FGF14: variants seen among roughly 807,000 people sequenced by gnomAD.
FGF14 encodes fibroblast growth factor homologous factor 4.
A neutral mutation model predicts 25.5 loss-of-function variants in FGF14; 5 were observed. That is an observed-to-expected ratio of 0.20 (90% CI 0.10 to 0.41). The LOEUF (loss-of-function observed/expected upper bound fraction) is 0.41. Among genes scored for constraint, FGF14 ranks in the 10% least tolerant of loss-of-function variants. FGF14 has a pLI of 1.00. For synonymous variants in FGF14, 138 were observed against 118.3 expected, an observed-to-expected ratio of 1.17 and a Z score of -1.08; for missense variants, 222 against 320.1, an observed-to-expected ratio of 0.69 and a Z score of 2.34.
chr13:101,723,314 T>G (rs2035129453), intron 4 of FGF14, among the ~76,000 whole-genome samples: 1 of 151,844 alleles, frequency 6.6e-6, no homozygotes, highest in South Asian at 2.1e-4. Context: ...GGCATTTAAC[T>G]TAATTCTCAA....
chr13:102,108,879 C>T (rs770054663), intron 1 of FGF14, among the ~76,000 whole-genome samples: 17 of 152,168 alleles, frequency 1.1e-4, no homozygotes, highest in Non-Finnish European at 2.5e-4. Context: ...TTCAACTTAA[C>T]ACATATTGTC....
intron 1 of FGF14, among the ~76,000 whole-genome samples, chr13:102,393,105 C>T (rs189954551): frequency 1.3e-5 from 2 of 152,320 alleles, no homozygotes; most frequent in Admixed American, 1.3e-4. Context: ...TAACCAGTGC[C>T]TTTACCACGT....
At chr13:102,017,571 T>C (rs9585830) in intron 1 of FGF14, among the ~76,000 whole-genome samples, 7,118 of 151,816 alleles carry the variant, frequency 0.047, 539 homozygotes, top group African/African-American at 0.16. Context: ...TTCCAAAATT[T>C]CACCAAGATG....
chr13:102,049,973 A>G (rs1426858345), intron 1 of FGF14, among the ~76,000 whole-genome samples: 1 of 151,986 alleles, frequency 6.6e-6, no homozygotes, highest in Non-Finnish European at 1.5e-5. Flanking sequence ...ATAGATTCCA[A>G]TTGCTTAATC....
chr13:102,294,419 A>C (rs1040625986), intron 1 of FGF14, among the ~76,000 whole-genome samples: 4 of 152,046 alleles, frequency 2.6e-5, no homozygotes, highest in African/African-American at 9.7e-5. Context: ...TGGTCCAAAA[A>C]AAAAAAACAA....
rs925139439 is a variant in FGF14 at position 101,881,636 on chromosome 13, CT to C, written c.194-6341del. ...ATTTGGGATCCAAGTCAATCCATCA[CT>C]TACAATCACATCTAGAAAAAGCTTT... On this transcript the variant is annotated intron_variant, in intron 1 of 4. Transcript: ENST00000376143. Among the ~76,000 whole-genome samples the C allele has an allele frequency of 2.5e-3, 165 of 65,636 alleles. 1 individual carries two copies. The highest frequency in any genetic ancestry group is 0.012 in the African/African-American group (157 of 13,420). 43.1% of individuals were successfully genotyped at this position (65,636 alleles called of 152,430 possible). A position where few individuals can be genotyped will look rare whatever the true frequency, so the allele number is the denominator to read the frequency against.
At chr13:102,048,044 A>T (rs1000863565) in intron 1 of FGF14, among the ~76,000 whole-genome samples, 6 of 151,560 alleles carry the variant, frequency 4.0e-5, no homozygotes, top group African/African-American at 1.2e-4. Context: ...AGCAGTTGAT[A>T]TAAACTTTTC....
intron 4 of FGF14, among the ~76,000 whole-genome samples, chr13:101,723,503 A>ATAAT (rs1471654962): frequency 1.3e-5 from 2 of 152,126 alleles, no homozygotes; most frequent in African/African-American, 4.8e-5. Context: ...GCTACACAAA[A>ATAAT]TAATAACAAA....
chr13:102,312,167 T>C (rs904587983), intron 1 of FGF14, among the ~76,000 whole-genome samples: 4 of 151,682 alleles, frequency 2.6e-5, no homozygotes, highest in African/African-American at 9.7e-5. Context: ...GTCCTCTCTT[T>C]TGTACTCTCT....
upstream of FGF14, chr13:102,401,916 A>C: frequency 1.7e-6 from 1 of 578,750 alleles, no homozygotes; most frequent in Non-Finnish European, 3.1e-6. Flanking sequence ...ACAGTAATGC[A>C]CAAAAGATCC....
chr13:101,793,811 A>C (rs1403156050), intron 3 of FGF14, among the ~76,000 whole-genome samples: 1 of 152,050 alleles, frequency 6.6e-6, no homozygotes, highest in African/African-American at 2.4e-5. Context: ...CATTTGCTAA[A>C]CCATAAATAG....
chr13:101,832,050 T>A (rs1401916425), intron 3 of FGF14, among the ~76,000 whole-genome samples: 1 of 152,086 alleles, frequency 6.6e-6, no homozygotes, highest in African/African-American at 2.4e-5. Context: ...GATCTTGGCA[T>A]TGGGAGATTA....
At chr13:102,100,343 C>G (rs867828992) in intron 1 of FGF14, among the ~76,000 whole-genome samples, 6 of 152,058 alleles carry the variant, frequency 3.9e-5, no homozygotes, top group African/African-American at 1.2e-4. Flanking sequence ...AAGGAGAGAG[C>G]CATTTCCTTC....
intron 1 of FGF14, among the ~76,000 whole-genome samples, chr13:102,379,987 A>G (rs754991512): frequency 5.3e-5 from 8 of 152,154 alleles, no homozygotes; most frequent in Non-Finnish European, 8.8e-5. Context: ...GCTTCAAAAG[A>G]GAGAATAGTG....
At chr13:102,316,644 G>A (rs1223241087) in intron 1 of FGF14, among the ~76,000 whole-genome samples, 2 of 151,884 alleles carry the variant, frequency 1.3e-5, no homozygotes, top group African/African-American at 2.4e-5. Context: ...ATGTGTGTGT[G>A]TATATATATA....
At chr13:102,161,634 G>GTC (rs1566764831) in intron 1 of FGF14, among the ~76,000 whole-genome samples, 120 of 7,686 alleles carry the variant, frequency 0.016, 11 homozygotes, top group African/African-American at 0.073. Context: ...AGAAGAAGAA[G>GTC]AAGAAGAAGA....
Position 102,352,636 on chromosome 13 carries a change from C to T in FGF14, c.208+48835G>A, listed in dbSNP as rs541377624. Among the ~76,000 whole-genome samples the T allele has an allele frequency of 5.3e-5, 8 of 152,130 alleles. No homozygotes were observed. The East Asian group carries it at 1.4e-3, about 26-fold the overall frequency. On this transcript the variant is annotated intron_variant, in intron 1 of 4. Coordinates refer to the FGF14 transcript ENST00000376131. ...GACCATTCTGGCTAACACGATGAAACCCCGTCTGTACTAAAAATACAAAAA... is the reference window on the plus strand; with the variant it reads ...GACCATTCTGGCTAACACGATGAAATCCCGTCTGTACTAAAAATACAAAAA...
intron 1 of FGF14, among the ~76,000 whole-genome samples, chr13:102,385,518 T>C (rs185978777): frequency 3.3e-5 from 5 of 152,262 alleles, no homozygotes; most frequent in Non-Finnish European, 1.5e-5. Flanking sequence ...TCTCAGCATC[T>C]AAATTTTAAT....
intron 1 of FGF14, among the ~76,000 whole-genome samples, chr13:102,203,395 T>G (rs2049759689): frequency 6.6e-6 from 1 of 152,194 alleles, no homozygotes; most frequent in Admixed American, 6.5e-5. Context: ...TAGAAAGATA[T>G]TAGCGCAACT....
Sources: gnomAD v4.1 joint callset for allele counts (sites outside exome capture counted in the v4.1 genomes callset) on GRCh38, gnomAD v4.1.1 for gene constraint, MANE v1.5 for transcripts, NCBI Gene and HGNC (gene_info 2026-07-23, HGNC 2026-07-21) for gene names.